RGS7: variants seen among roughly 807,000 people sequenced by gnomAD.
RGS7 encodes regulator of G protein signaling 7, also known as regulator of G-protein signaling 7.
RGS7 carries 27 observed loss-of-function variants against 81.1 expected under a neutral mutation model. That is an observed-to-expected ratio of 0.33 (90% CI 0.25 to 0.46). RGS7 has a LOEUF of 0.46. RGS7 is among the 20% of genes least tolerant of loss of function. The probability of loss-of-function intolerance (pLI) is 1.00; values close to 1 mark genes in which losing one functional copy is unlikely to be tolerated. For missense variants in RGS7, 396 were observed against 607.4 expected (o/e 0.65, Z 3.66); for synonymous variants, 208 against 207.7 (o/e 1.00, Z -0.01).
At chr1:240,999,729 T>G (rs75406614) in intron 3 of RGS7, among the ~76,000 whole-genome samples, 1 of 151,830 alleles carries the variant, frequency 6.6e-6, no homozygotes, top group African/African-American at 2.4e-5. Context: ...GCCTACCAAG[T>G]AGCTGGGACT....
intron 2 of RGS7, among the ~76,000 whole-genome samples, chr1:241,235,648 TTCTC>T (rs372938062): frequency 8.9e-4 from 133 of 149,198 alleles, no homozygotes; most frequent in Middle Eastern, 6.8e-3. Context: ...TTTTTTCTCA[TTCTC>T]TCTTTCTTTC....
intron 3 of RGS7, among the ~76,000 whole-genome samples, chr1:241,006,795 C>A (rs2058705254): frequency 6.6e-6 from 1 of 152,192 alleles, no homozygotes. Context: ...CGAAAGATAG[C>A]AAGACCAACC....
At chr1:241,193,157 C>T (rs2072809701) in intron 2 of RGS7, among the ~76,000 whole-genome samples, 1 of 152,182 alleles carries the variant, frequency 6.6e-6, no homozygotes, top group Admixed American at 6.5e-5. Flanking sequence ...TTCTTCCTTC[C>T]CTTTCTTACA....
chr1:240,831,696 C>T (rs529571848), intron 9 of RGS7, among the ~76,000 whole-genome samples: 51 of 147,768 alleles, frequency 3.5e-4, no homozygotes, highest in Admixed American at 9.8e-4. Context: ...AGTGCAATGG[C>T]GCAATCTCGG....
chr1:240,819,919 T>C (rs769704797), intron 10 of RGS7, among the ~76,000 whole-genome samples: 1 of 152,184 alleles, frequency 6.6e-6, no homozygotes, highest in South Asian at 2.1e-4. Context: ...CCAATCTGAG[T>C]ACTGTTCATT....
In RGS7 at chr1:240,936,677, C is replaced by T; in HGVS notation, c.256G>A (p.Ala86Thr). Residue 86 changes from alanine (A) to threonine (T), a missense_variant, in exon 5 of 19, where the codon GCT becomes ACT. By Grantham distance (58) the Ala-to-Thr change is moderately conservative (BLOSUM62 0). Transcript: ENST00000440928. ...ATTGGAAAGAAGTAGCCGTGGGCAG[C>T]CATTAATGTTCCCAAATGGAGCGCC... is the stretch of plus-strand genomic sequence containing the variant. The part of the protein sequence containing the change: ...VEALHLGTLM[A>T]AHGYFFPISD... 1.9e-6 allele frequency: 3 copies of T among 1,613,998 alleles called. No individual in the cohort carries two copies. In the South Asian group the frequency reaches 3.3e-5, roughly 18 times the overall value.
At chr1:241,256,325 T>C (rs536582945) in intron 2 of RGS7, among the ~76,000 whole-genome samples, 2 of 152,278 alleles carry the variant, frequency 1.3e-5, no homozygotes, top group African/African-American at 4.8e-5. Flanking sequence ...AAAAAGACTA[T>C]GCTCTGAAAA....
At chr1:241,075,650 G>A (rs2062754643) in intron 3 of RGS7, among the ~76,000 whole-genome samples, 1 of 152,198 alleles carries the variant, frequency 6.6e-6, no homozygotes, top group African/African-American at 2.4e-5. Flanking sequence ...TTACAAATGT[G>A]TGTTGGGCCA....
intron 4 of RGS7, among the ~76,000 whole-genome samples, chr1:240,950,288 T>A (rs1374757062): frequency 1.3e-5 from 2 of 152,162 alleles, no homozygotes; most frequent in Non-Finnish European, 2.9e-5. Context: ...CTCATGGCTC[T>A]GGCAGAAGAG....
At chr1:241,282,439 T>C (rs1389695624) in intron 2 of RGS7, among the ~76,000 whole-genome samples, 1 of 152,240 alleles carries the variant, frequency 6.6e-6, no homozygotes, top group Non-Finnish European at 1.5e-5. Context: ...TTCCGTGACC[T>C]TGCTGGACTC....
At chr1:241,298,245 T>G (rs140916695) in intron 2 of RGS7, among the ~76,000 whole-genome samples, 167 of 152,280 alleles carry the variant, frequency 1.1e-3, no homozygotes, top group Middle Eastern at 6.8e-3. Context: ...TTTTAAAAAA[T>G]GAATCCCTTG....
At chr1:241,234,517 C>T (rs2075827247) in intron 2 of RGS7, among the ~76,000 whole-genome samples, 1 of 151,046 alleles carries the variant, frequency 6.6e-6, no homozygotes, top group African/African-American at 2.4e-5. Context: ...CCAGTTAAAC[C>T]AGATCTGCTA....
intron 2 of RGS7, among the ~76,000 whole-genome samples, chr1:241,306,903 T>A (rs534563303): frequency 6.6e-6 from 1 of 152,246 alleles, no homozygotes; most frequent in African/African-American, 2.4e-5. Flanking sequence ...AAACATGTTA[T>A]GTGAATGGCG....
intron 2 of RGS7, among the ~76,000 whole-genome samples, chr1:241,235,779 T>C (rs2075929269): frequency 6.6e-6 from 1 of 151,728 alleles, no homozygotes; most frequent in Non-Finnish European, 1.5e-5. Context: ...CCACCATTAT[T>C]TTTGCTTACT....
chr1:240,895,995 T>C (rs961981310), intron 6 of RGS7, among the ~76,000 whole-genome samples: 2 of 152,142 alleles, frequency 1.3e-5, no homozygotes, highest in South Asian at 4.1e-4. Context: ...TGGTATGAGA[T>C]GGTATGTCAT....
At chr1:241,338,179 A>T (rs1056513575) in intron 2 of RGS7, among the ~76,000 whole-genome samples, 1 of 152,174 alleles carries the variant, frequency 6.6e-6, no homozygotes, top group Non-Finnish European at 1.5e-5. Context: ...TTAAAATCCA[A>T]CTCAGGAGGA....
rs1023423361 is a variant in RGS7 at position 241,341,729 on chromosome 1, C to T, written c.78+13970G>A. Among the ~76,000 whole-genome samples, 9 of 152,190 alleles carry T rather than the reference C, an allele frequency of 5.9e-5. No individual in the cohort carries two copies. In the South Asian group the frequency reaches 1.0e-3, roughly 18 times the overall value. ...TTTAATCACCATAGCAACTCTAAGACGCAGGTACTATTATTACCCCAGTTT... is the reference window on the plus strand; with the variant it reads ...TTTAATCACCATAGCAACTCTAAGATGCAGGTACTATTATTACCCCAGTTT... On this transcript the variant is annotated intron_variant, in intron 2 of 18. Transcript: ENST00000440928.
chr1:240,904,313 C>T (rs1670482528), intron 6 of RGS7, among the ~76,000 whole-genome samples: 1 of 152,182 alleles, frequency 6.6e-6, no homozygotes, highest in Non-Finnish European at 1.5e-5. Flanking sequence ...AAAGCTTTGA[C>T]ATTTCTTAAA....
intron 2 of RGS7, among the ~76,000 whole-genome samples, chr1:241,182,773 C>T (rs1030215919): frequency 2.6e-5 from 4 of 151,496 alleles, no homozygotes; most frequent in Non-Finnish European, 4.4e-5. Flanking sequence ...CTCAGCCTCC[C>T]GAGTAGCTGG....
Sources: gnomAD v4.1 joint callset for allele counts (sites outside exome capture counted in the v4.1 genomes callset) on GRCh38, gnomAD v4.1.1 for gene constraint, MANE v1.5 for transcripts, NCBI Gene and HGNC (gene_info 2026-07-23, HGNC 2026-07-21) for gene names.